The following KCNJ1 variants were observed in gnomAD, a reference collection of about 807,000 sequenced individuals.
KCNJ1 encodes the protein potassium inwardly rectifying channel subfamily J member 1, also known as ATP-sensitive inward rectifier potassium channel 1.
KCNJ1 carries 24 observed loss-of-function variants against 21.9 expected under a neutral mutation model. That is an observed-to-expected ratio of 1.10 (90% CI 0.79 to 1.54). The LOEUF (loss-of-function observed/expected upper bound fraction) is 1.54. KCNJ1 is among the 40% of genes most tolerant of loss of function. The pLI is 0.00. For synonymous variants in KCNJ1, 152 were observed against 160.9 expected, an observed-to-expected ratio of 0.94 and a Z score of 0.42; for missense variants, 457 against 455.4, an observed-to-expected ratio of 1.00 and a Z score of -0.03.
chr11:128,840,307 A>C (rs1221564909), intron 2 of KCNJ1, 43 bp from the exon 3 acceptor site: 1 of 1,584,808 alleles, frequency 6.3e-7, no homozygotes, highest in Non-Finnish European at 8.7e-7. Context: ...TTATGTTTAT[A>C]GCAATAGTGA....
intron 1 of KCNJ1, among the ~76,000 whole-genome samples, chr11:128,859,777 G>T (rs1321300215): frequency 7.9e-5 from 12 of 152,240 alleles, no homozygotes; most frequent in Admixed American, 7.9e-4. Flanking sequence ...GGGCACTGGG[G>T]TACGGCCTTC....
chr11:128,853,068 A>G (rs560437204), intron 1 of KCNJ1, among the ~76,000 whole-genome samples: 4 of 152,384 alleles, frequency 2.6e-5, no homozygotes, highest in African/African-American at 9.6e-5. Flanking sequence ...TATCAAAATC[A>G]AGCCAAATCA....
intron 1 of KCNJ1, among the ~76,000 whole-genome samples, chr11:128,859,200 G>A (rs1021760712): frequency 6.6e-6 from 1 of 152,238 alleles, no homozygotes; most frequent in Non-Finnish European, 1.5e-5. Context: ...GTTTGACAAG[G>A]AAGGGAACTG....
chr11:128,852,384 G>A (rs988849860), intron 1 of KCNJ1, among the ~76,000 whole-genome samples: 7 of 152,202 alleles, frequency 4.6e-5, no homozygotes, highest in Non-Finnish European at 8.8e-5. Flanking sequence ...GGCTCTAGGG[G>A]ATTAGTGGAA....
intron 2 of KCNJ1, among the ~76,000 whole-genome samples, 157 bp downstream of exon 2, chr11:128,850,564 A>T (rs1943464326): frequency 6.6e-6 from 1 of 152,210 alleles, no homozygotes; most frequent in South Asian, 2.1e-4. Context: ...CCACTCTCTG[A>T]TGCTGGTGGT....
At position 128,839,348 on chromosome 11, in the gene KCNJ1, TC is replaced by T; in HGVS notation, c.895del (p.Glu299ArgfsTer11). The T allele has an allele frequency of 6.2e-7, 1 of 1,614,152 alleles. No homozygotes were observed. The highest frequency in any genetic ancestry group is 8.5e-7 in the Non-Finnish European group (1 of 1,180,022). ...CQVRTSYVPE[E>X]VLWGYRFAPI... ...AGCAAAACGGTAGCCCCAAAGCACC[TC>T]CTCTGGGACATAGGATGTCCGGACT... On this transcript the variant is annotated frameshift_variant, in exon 3 of 3. Coordinates refer to ENST00000392666, the MANE Select transcript of KCNJ1 (RefSeq NM_153766.3). LOFTEE classifies it high-confidence loss of function.
intron 1 of KCNJ1, among the ~76,000 whole-genome samples, chr11:128,865,829 A>G (rs548526816): frequency 6.6e-6 from 1 of 152,270 alleles, no homozygotes; most frequent in African/African-American, 2.4e-5. Flanking sequence ...CTTCACAGAA[A>G]AGCATGCTTG....
intron 2 of KCNJ1, among the ~76,000 whole-genome samples, chr11:128,847,947 C>A (rs1943409404): frequency 6.6e-6 from 1 of 152,104 alleles, no homozygotes; most frequent in Non-Finnish European, 1.5e-5. Flanking sequence ...CGGCTCACTG[C>A]ATCCTCGACC....
intron 1 of KCNJ1, among the ~76,000 whole-genome samples, chr11:128,861,000 C>T (rs1943696824): frequency 6.6e-6 from 1 of 152,232 alleles, no homozygotes; most frequent in Non-Finnish European, 1.5e-5. Flanking sequence ...GCATCAACAG[C>T]TCAGAGGCAG....
chr11:128,846,413 G>A (rs929337894), intron 2 of KCNJ1, among the ~76,000 whole-genome samples: 5 of 152,078 alleles, frequency 3.3e-5, no homozygotes, highest in East Asian at 3.9e-4. Context: ...TTTAATCAGG[G>A]GTCACTGGTC....
At position 128,840,092 on chromosome 11, in the gene KCNJ1, G is replaced by A. The variant is rs1363992971; in HGVS notation, c.152C>T (p.Thr51Ile). 1.9e-6 allele frequency: 3 copies of A among 1,614,168 alleles called. No homozygotes were observed. The highest frequency in any genetic ancestry group is 1.7e-6 in the Non-Finnish European group (2 of 1,180,024). ...SRFIFFVDIW[T>I]TVLDLKWRYK... is the part of the protein sequence containing the mutation. ...TCTCCACTTGAGGTCAAGTACCGTTGTCCAGATGTCCACAAAGAATATAAA... is the reference window on the plus strand; with the variant it reads ...TCTCCACTTGAGGTCAAGTACCGTTATCCAGATGTCCACAAAGAATATAAA... Residue 51 changes from threonine (T) to isoleucine (I), a missense_variant, in exon 3 of 3, where the codon ACA (threonine) becomes ATA (isoleucine). Thr to Ile is a moderately conservative substitution (Grantham distance 89). Transcript: ENST00000392666.
chr11:128,838,882 A>C lies in KCNJ1; in HGVS notation c.*243T>G. 1 of 542,940 alleles carries C rather than the reference A, an allele frequency of 1.8e-6. No individual in the cohort carries two copies. The highest frequency in any genetic ancestry group is 3.3e-6 in the Non-Finnish European group (1 of 305,696). 33.6% of individuals were successfully genotyped at this position (542,940 alleles called of 1,614,324 possible). On this transcript the variant is annotated 3_prime_UTR_variant, in exon 3 of 3. Coordinates refer to ENST00000392666, the MANE Select transcript of KCNJ1 (RefSeq NM_153766.3). ...CTCAAATAATCATATTTAAGATTTCAAGAGAGCACCTATGTCTTCCATACA... is the reference window on the plus strand; with the variant it reads ...CTCAAATAATCATATTTAAGATTTCCAGAGAGCACCTATGTCTTCCATACA...
At chr11:128,842,507 C>T (rs1759383691) in intron 2 of KCNJ1, 3 of 1,607,076 alleles carry the variant, frequency 1.9e-6, no homozygotes, top group African/African-American at 2.7e-5. Context: ...TTGTAGGCGA[C>T]AGTCAGTGGA....
chr11:128,856,981 C>G (rs184739633), intron 1 of KCNJ1, among the ~76,000 whole-genome samples: 1 of 152,252 alleles, frequency 6.6e-6, no homozygotes, highest in East Asian at 1.9e-4. Flanking sequence ...TGAGACCTTT[C>G]TCAGCTTCCC....
chr11:128,846,293 T>G (rs567838360), intron 2 of KCNJ1, among the ~76,000 whole-genome samples: 1 of 152,324 alleles, frequency 6.6e-6, no homozygotes, highest in South Asian at 2.1e-4. Flanking sequence ...CAAACATTGT[T>G]GTATGATTTA....
chr11:128,845,713 C>A (rs1486753534), intron 2 of KCNJ1, among the ~76,000 whole-genome samples: 5 of 152,216 alleles, frequency 3.3e-5, no homozygotes, highest in Non-Finnish European at 7.3e-5. Context: ...CTGGTAGAAA[C>A]CATCTTTCCT....
chr11:128,862,773 C>T (rs1443241867), intron 1 of KCNJ1, among the ~76,000 whole-genome samples: 3 of 152,220 alleles, frequency 2.0e-5, no homozygotes, highest in Non-Finnish European at 4.4e-5. Flanking sequence ...GATTCAAGCT[C>T]CCCATACTCT....
chr11:128,864,493 C>G (rs79559420), intron 1 of KCNJ1, among the ~76,000 whole-genome samples: 3,949 of 152,078 alleles, frequency 0.026, 148 homozygotes, highest in African/African-American at 0.088. Flanking sequence ...TTCTGCACAC[C>G]CTGCTTGTTC....
At chr11:128,865,429 A>G (rs1943800489) in intron 1 of KCNJ1, among the ~76,000 whole-genome samples, 1 of 152,136 alleles carries the variant, frequency 6.6e-6, no homozygotes, top group African/African-American at 2.4e-5. Context: ...CCAAAACACA[A>G]TGAGTTCTAA....
Sources: gnomAD v4.1 joint callset for allele counts (sites outside exome capture counted in the v4.1 genomes callset) on GRCh38, gnomAD v4.1.1 for gene constraint, MANE v1.5 for transcripts, NCBI Gene and HGNC (gene_info 2026-07-23, HGNC 2026-07-21) for gene names.